The following ARL6IP1 variants were observed in gnomAD, a reference collection of about 807,000 sequenced individuals.
ARL6IP1 encodes ADP-ribosylation factor-like protein 6-interacting protein 1.
A neutral mutation model predicts 30.1 loss-of-function variants in ARL6IP1; 16 were observed. The ratio of observed to expected loss-of-function variants is 0.53; its 90% CI spans 0.36 to 0.81. The LOEUF (loss-of-function observed/expected upper bound fraction) is 0.81, where lower values mean the gene tolerates loss of function less well. Ranked by LOEUF, ARL6IP1 falls within the 30% of genes least tolerant of loss-of-function variation. The pLI, the probability that ARL6IP1 is intolerant of heterozygous loss-of-function variation, is 0.01. For synonymous variants in ARL6IP1, 72 were observed against 84.8 expected (o/e 0.85, Z 0.83); for missense variants, 173 against 242.7 (o/e 0.71, Z 1.91).
intron 2 of ARL6IP1, 114 bp downstream of exon 2, chr16:18,798,583 GTTCT>G: frequency 1.8e-6 from 2 of 1,100,304 alleles, no homozygotes; most frequent in Non-Finnish European, 2.4e-6. Context: ...TTCTTTATGG[GTTCT>G]TTATGGGTTA....
intron 1 of ARL6IP1, chr16:18,801,086 T>G: frequency 1.1e-6 from 1 of 891,634 alleles, no homozygotes; most frequent in Non-Finnish European, 1.5e-6. Flanking sequence ...CGAATACGGC[T>G]GGGGCCTGAG....
intron 1 of ARL6IP1, 161 bp downstream of exon 1, chr16:18,801,270 C>T (rs772027078): frequency 6.6e-5 from 97 of 1,462,828 alleles, no homozygotes; most frequent in Non-Finnish European, 8.3e-5. Context: ...GGTTCGACAC[C>T]CAGGAGTCAC....
intron 1 of ARL6IP1, 151 bp downstream of exon 1, chr16:18,801,280 C>T (rs549983502): frequency 2.7e-6 from 4 of 1,476,428 alleles, no homozygotes; most frequent in Middle Eastern, 2.4e-4. Flanking sequence ...CCAGGAGTCA[C>T]CCAAGAAGCC....
At chr16:18,800,918 G>C (rs977476465) in intron 1 of ARL6IP1, among the ~76,000 whole-genome samples, 6 of 151,544 alleles carry the variant, frequency 4.0e-5, no homozygotes, top group Non-Finnish European at 7.4e-5. Flanking sequence ...CCCCGCTCCC[G>C]GTTCCCCACG....
chr16:18,797,240 C>T (rs569749826), intron 3 of ARL6IP1, among the ~76,000 whole-genome samples: 11 of 151,680 alleles, frequency 7.3e-5, no homozygotes, highest in Non-Finnish European at 1.6e-4. Flanking sequence ...AAAAAATTAG[C>T]CAGGTGTGGT....
chr16:18,800,617 C>G (rs2030378773), intron 1 of ARL6IP1, among the ~76,000 whole-genome samples: 1 of 152,190 alleles, frequency 6.6e-6, no homozygotes, highest in Non-Finnish European at 1.5e-5. Context: ...AGTTCAAAAG[C>G]CCCTAAGTAA....
At position 18,801,524 on chromosome 16, in the gene ARL6IP1, C is replaced by T; in HGVS notation, c.-58G>A. The T allele has an allele frequency of 9.4e-6, 15 of 1,594,522 alleles. No individual in the cohort carries two copies. The highest frequency in any genetic ancestry group is 2.3e-5 in the East Asian group (1 of 44,238). On this transcript the variant is annotated 5_prime_UTR_variant, in exon 1 of 6. Coordinates refer to ENST00000304414, the MANE Select transcript of ARL6IP1 (RefSeq NM_015161.3). ...CCACCTCCCCAACGAGTCCTCCAAC[C>T]GAAACCCGCACACCAACCACAACCC...
intron 1 of ARL6IP1, among the ~76,000 whole-genome samples, chr16:18,799,304 GC>G (rs1436351316): frequency 2.6e-5 from 4 of 152,146 alleles, no homozygotes; most frequent in African/African-American, 9.7e-5. Flanking sequence ...GAGCCACCAG[GC>G]CCAGCCTAAA....
chr16:18,801,171 T>G (rs1326923874), intron 1 of ARL6IP1: 1 of 1,392,146 alleles, frequency 7.2e-7, no homozygotes, highest in African/African-American at 1.5e-5. Flanking sequence ...GCAGCCCCTC[T>G]GCCTCCCACT....
intron 5 of ARL6IP1, 58 bp from the exon 6 acceptor site, chr16:18,793,428 T>C: frequency 1.0e-6 from 1 of 957,998 alleles, no homozygotes; most frequent in Non-Finnish European, 1.5e-6. Context: ...CTAAAGGTTA[T>C]TACTTTTTTT....
chr16:18,795,536 T>C lies in ARL6IP1; in HGVS notation c.336A>G (p.Leu112=), dbSNP rs762459100. ...QQRFHEICSN[L]VKTRRRAVGW... Reference sequence around the variant, plus strand: ...CCACAGCTCTGCGTCGAGTTTTTACTAGATTGCTGCAAATTTCATGGAATC... The same window carrying C: ...CCACAGCTCTGCGTCGAGTTTTTACCAGATTGCTGCAAATTTCATGGAATC... The change falls in exon 4 of 6, where the codon CTA becomes CTG. Residue 112 remains leucine (L), a synonymous_variant. Coordinates refer to ENST00000304414, the MANE Select transcript of ARL6IP1 (RefSeq NM_015161.3). 1.2e-6 allele frequency: 2 copies of C among 1,613,688 alleles called. No individual in the cohort carries two copies. The highest frequency in any genetic ancestry group is 2.2e-5 in the East Asian group (1 of 44,886).
intron 3 of ARL6IP1, among the ~76,000 whole-genome samples, chr16:18,796,564 ATAAAT>A (rs1261353592): frequency 6.6e-6 from 1 of 152,256 alleles, no homozygotes; most frequent in Non-Finnish European, 1.5e-5. Context: ...TCTAGGAGTT[ATAAAT>A]TAGCAGACTG....
chr16:18,799,231 C>T (rs2030334925), intron 1 of ARL6IP1, among the ~76,000 whole-genome samples: 1 of 152,144 alleles, frequency 6.6e-6, no homozygotes, highest in African/African-American at 2.4e-5. Flanking sequence ...AGGCTGGTCT[C>T]AAACTCTGGA....
At chr16:18,795,016 C>CT (rs35734251) in intron 4 of ARL6IP1, among the ~76,000 whole-genome samples, 36,658 of 133,258 alleles carry the variant, frequency 0.28, 6,190 homozygotes, top group Non-Finnish European at 0.37. Flanking sequence ...AGATGCTTTC[C>CT]TTTTTTTTTT....
At chr16:18,799,984 T>C (rs2030359490) in intron 1 of ARL6IP1, among the ~76,000 whole-genome samples, 1 of 152,208 alleles carries the variant, frequency 6.6e-6, no homozygotes, top group Admixed American at 6.5e-5. Context: ...GGGGGATTGC[T>C]TGAGCCCAGG....
At chr16:18,801,131 C>G (rs2141875637) in intron 1 of ARL6IP1, 2 of 1,313,688 alleles carry the variant, frequency 1.5e-6, no homozygotes, top group East Asian at 6.6e-5. Flanking sequence ...AGGAGGCCTT[C>G]TGCCCCCACC....
In ARL6IP1 at chr16:18,792,248, T is replaced by A. The variant is rs1305379089; in HGVS notation, c.*1004A>T. ...GGAAAAAAGTCAGACACCAGTGTAG[T>A]CACTATCTCCCATGTCAAACCTAGG... On this transcript the variant is annotated 3_prime_UTR_variant, in exon 6 of 6. Transcript: ENST00000304414. 6.6e-6 allele frequency: 1 copy of A among 152,194 alleles called. No individual in the cohort carries two copies. Among genetic ancestry groups the A allele is most frequent in the East Asian group, 1.9e-4 (1 of 5,198 alleles). The allele number at this position is 152,194 out of a possible 1,614,324, so 9.4% of individuals were successfully genotyped here.
intron 5 of ARL6IP1, among the ~76,000 whole-genome samples, chr16:18,793,843 T>G (rs1396033056): frequency 6.6e-6 from 1 of 152,076 alleles, no homozygotes; most frequent in African/African-American, 2.4e-5. Context: ...CCAAGTAGAG[T>G]AGCTGGGATT....
chr16:18,793,845 G>A (rs765639517), intron 5 of ARL6IP1, among the ~76,000 whole-genome samples: 1 of 152,232 alleles, frequency 6.6e-6, no homozygotes, highest in Non-Finnish European at 1.5e-5. Flanking sequence ...AAGTAGAGTA[G>A]CTGGGATTAC....
Sources: gnomAD v4.1 joint callset for allele counts (sites outside exome capture counted in the v4.1 genomes callset) on GRCh38, gnomAD v4.1.1 for gene constraint, MANE v1.5 for transcripts, NCBI Gene and HGNC (gene_info 2026-07-23, HGNC 2026-07-21) for gene names.